IL1RAPL1: variants seen among roughly 807,000 people sequenced by gnomAD.
The protein encoded by IL1RAPL1 is interleukin 1 receptor accessory protein like 1, also known as interleukin-1 receptor accessory protein-like 1.
Under a neutral mutation model 48.4 loss-of-function variants are expected in IL1RAPL1, and 3 were observed. The observed-to-expected ratio is 0.06, with a 90% CI of 0.03 to 0.16. IL1RAPL1 has a LOEUF of 0.16. Among genes scored for constraint, IL1RAPL1 ranks in the 10% least tolerant of loss-of-function variants. The pLI, the probability that IL1RAPL1 is intolerant of heterozygous loss-of-function variation, is 1.00. For synonymous variants in IL1RAPL1, 185 were observed against 187.7 expected (o/e 0.99, Z 0.12); for missense variants, 349 against 530.6 (o/e 0.66, Z 3.36).
chrX:29,111,107 G>T (rs1436861418), intron 2 of IL1RAPL1, among the ~76,000 whole-genome samples: 1 of 110,969 alleles, frequency 9.0e-6, no homozygotes, highest in East Asian at 2.8e-4. Context: ...ATGATACAAA[G>T]AATAATAAAA....
chrX:29,282,386 A>G (rs1163871355), intron 2 of IL1RAPL1, among the ~76,000 whole-genome samples: 1 of 112,219 alleles, frequency 8.9e-6, no homozygotes, highest in Non-Finnish European at 1.9e-5. Context: ...TGTCTTCTTC[A>G]AGTTAACAGA....
intron 2 of IL1RAPL1, among the ~76,000 whole-genome samples, chrX:29,174,834 G>A (rs1241493690): frequency 9.0e-6 from 1 of 111,621 alleles, no homozygotes; most frequent in Admixed American, 9.5e-5. Context: ...AGCAACTTTG[G>A]GAGGCCAAGG....
At chrX:29,445,342 T>C (rs144374794) in intron 5 of IL1RAPL1, among the ~76,000 whole-genome samples, 7 of 111,723 alleles carry the variant, frequency 6.3e-5, no homozygotes, top group South Asian at 3.8e-4. Flanking sequence ...AACACTCCAG[T>C]CTTCACTCTG....
chrX:28,903,428 T>C (rs200549412), intron 2 of IL1RAPL1, among the ~76,000 whole-genome samples: 4 of 43,179 alleles, frequency 9.3e-5, no homozygotes, highest in Admixed American at 8.8e-4. Context: ...TTCTTTCTTT[T>C]TTTTTTTTTT....
intron 5 of IL1RAPL1, among the ~76,000 whole-genome samples, chrX:29,644,478 A>G (rs1387399227): frequency 9.0e-6 from 1 of 111,544 alleles, no homozygotes; most frequent in East Asian, 2.8e-4. Context: ...CTTTTAACTA[A>G]GAACTGTGAA....
intron 2 of IL1RAPL1, among the ~76,000 whole-genome samples, chrX:29,016,563 T>C (rs997179330): frequency 1.8e-5 from 2 of 110,971 alleles, no homozygotes; most frequent in African/African-American, 3.3e-5. Context: ...CATAAGAAGT[T>C]TTATATGTAT....
chrX:29,570,000 A>T (rs1381920779), intron 5 of IL1RAPL1, among the ~76,000 whole-genome samples: 3 of 112,157 alleles, frequency 2.7e-5, no homozygotes, highest in Admixed American at 9.4e-5. Flanking sequence ...GATCCATCAT[A>T]TGGAAATACG....
chrX:29,201,974 C>T (rs774996122), intron 2 of IL1RAPL1, among the ~76,000 whole-genome samples: 4 of 112,287 alleles, frequency 3.6e-5, no homozygotes, highest in African/African-American at 6.5e-5. Context: ...GGATTACAGG[C>T]GTGAGCCACC....
intron 1 of IL1RAPL1, among the ~76,000 whole-genome samples, chrX:28,767,221 T>C (rs1372008611): frequency 9.0e-6 from 1 of 111,723 alleles, no homozygotes; most frequent in East Asian, 2.8e-4. Flanking sequence ...ATCTTTTGGA[T>C]ATAAGCCATT....
intron 5 of IL1RAPL1, among the ~76,000 whole-genome samples, chrX:29,440,988 T>G (rs1308704484): frequency 8.9e-6 from 1 of 111,999 alleles, no homozygotes; most frequent in Non-Finnish European, 1.9e-5. Flanking sequence ...TCTTCTCTAC[T>G]GATGTCTGTG....
At chrX:29,890,993 G>A (rs1932265893) in intron 6 of IL1RAPL1, among the ~76,000 whole-genome samples, 1 of 112,024 alleles carries the variant, frequency 8.9e-6, no homozygotes, top group African/African-American at 3.2e-5. Context: ...TTGTGAAATA[G>A]ATTCTTGGTT....
chrX:28,605,861 C>T (rs933137260), intron 1 of IL1RAPL1, among the ~76,000 whole-genome samples: 17 of 111,104 alleles, frequency 1.5e-4, no homozygotes, highest in African/African-American at 5.2e-4. Context: ...GCCATAGGAC[C>T]TTTTCACTGG....
At chrX:28,953,040 C>T (rs891808627) in intron 2 of IL1RAPL1, among the ~76,000 whole-genome samples, 4 of 111,051 alleles carry the variant, frequency 3.6e-5, no homozygotes, top group Admixed American at 1.9e-4. Context: ...AATAATTACT[C>T]GCTGTTTAAT....
At chrX:28,945,961 G>A (rs1171005993) in intron 2 of IL1RAPL1, among the ~76,000 whole-genome samples, 5 of 105,520 alleles carry the variant, frequency 4.7e-5, no homozygotes, top group African/African-American at 1.7e-4. Context: ...ATATTTAAAA[G>A]GATATATTTA....
chrX:29,934,606 C>T (rs964675735), intron 8 of IL1RAPL1, among the ~76,000 whole-genome samples: 5 of 111,663 alleles, frequency 4.5e-5, no homozygotes, highest in African/African-American at 6.5e-5. Context: ...ATCTTCTCCA[C>T]CTAGATTTAC....
At chrX:29,675,759 G>T (rs1029724643) in intron 6 of IL1RAPL1, among the ~76,000 whole-genome samples, 1 of 110,776 alleles carries the variant, frequency 9.0e-6, no homozygotes, top group East Asian at 2.9e-4. Context: ...CCCAGCTAAA[G>T]TTTGTATTTT....
intron 5 of IL1RAPL1, chrX:29,574,356 A>G (rs905594046): frequency 9.2e-6 from 1 of 108,410 alleles, no homozygotes; most frequent in African/African-American, 3.4e-5. Context: ...TGCAATTTAG[A>G]CAGTGACACA....
intron 2 of IL1RAPL1, among the ~76,000 whole-genome samples, chrX:29,089,974 T>G (rs1423942766): frequency 2.8e-5 from 3 of 105,824 alleles, no homozygotes; most frequent in African/African-American, 1.0e-4. Flanking sequence ...CCCAGAGAAA[T>G]AGAAGCCCTC....
At chrX:29,622,420 T>G (rs1010936930) in intron 5 of IL1RAPL1, among the ~76,000 whole-genome samples, 2 of 112,520 alleles carry the variant, frequency 1.8e-5, no homozygotes, top group Non-Finnish European at 3.7e-5. Flanking sequence ...GACATATATT[T>G]AATATACATC....
Sources: gnomAD v4.1 joint callset for allele counts (sites outside exome capture counted in the v4.1 genomes callset) on GRCh38, gnomAD v4.1.1 for gene constraint, MANE v1.5 for transcripts, NCBI Gene and HGNC (gene_info 2026-07-23, HGNC 2026-07-21) for gene names.